TMCC1: variants seen among roughly 807,000 people sequenced by gnomAD.
TMCC1 encodes transmembrane and coiled-coil domains protein 1.
Under a neutral mutation model 52.4 loss-of-function variants are expected in TMCC1, and 15 were observed. The observed-to-expected ratio is 0.29, with a 90% CI of 0.19 to 0.44. The LOEUF is 0.44. TMCC1 is among the 20% of genes least tolerant of loss of function. The pLI, the probability that TMCC1 is intolerant of heterozygous loss-of-function variation, is 1.00. For missense variants in TMCC1, 503 were observed against 806.0 expected (o/e 0.62, Z 4.55); for synonymous variants, 279 against 301.9 (o/e 0.92, Z 0.79).
In TMCC1 at chr3:129,828,393, T is replaced by C; in HGVS notation, c.-15A>G. 1.3e-6 allele frequency: 2 copies of C among 1,599,664 alleles called. No homozygotes were observed. Among genetic ancestry groups the C allele is most frequent in the Non-Finnish European group, 1.7e-6 (2 of 1,172,880 alleles). On this transcript the variant is annotated 5_prime_UTR_variant, in exon 4 of 7. Coordinates refer to ENST00000393238, the MANE Select transcript of TMCC1 (RefSeq NM_001017395.5). The surrounding 1 kb of genome is among the most constrained non-coding windows in gnomAD (Gnocchi z 4.1). ...GAAGGCTCCATCAGTAGACTTAATA[T>C]GCTTATTTGCAAACTCAAAAAAATT...
chr3:129,709,010 T>G (rs2048446576), intron 4 of TMCC1, among the ~76,000 whole-genome samples: 1 of 152,228 alleles, frequency 6.6e-6, no homozygotes, highest in Admixed American at 6.5e-5. Context: ...TCTTAACCAC[T>G]GGTCTTTACT....
At chr3:129,822,303 G>A (rs936417561) in intron 4 of TMCC1, among the ~76,000 whole-genome samples, 2 of 152,106 alleles carry the variant, frequency 1.3e-5, no homozygotes, top group African/African-American at 4.8e-5. Context: ...AACCAGGCAT[G>A]GTGGCACATG....
intron 2 of TMCC1, among the ~76,000 whole-genome samples, chr3:129,861,695 G>A (rs2060405956): frequency 6.6e-6 from 1 of 152,150 alleles, no homozygotes; most frequent in Non-Finnish European, 1.5e-5. Context: ...CCACTAGGGT[G>A]GTTAAAATCA....
At chr3:129,851,098 G>C (rs2059897902) in intron 2 of TMCC1, among the ~76,000 whole-genome samples, 1 of 152,190 alleles carries the variant, frequency 6.6e-6, no homozygotes, top group South Asian at 2.1e-4. Context: ...CCAGATTTTG[G>C]GGGGCCTATT....
intron 4 of TMCC1, among the ~76,000 whole-genome samples, chr3:129,760,454 C>CTGTGTGTG (rs61394124): frequency 0.085 from 10,979 of 128,944 alleles, 976 homozygotes; most frequent in Middle Eastern, 0.11. Context: ...CAGTCTCGCT[C>CTGTGTGTG]TGTGTGTGTG....
intron 4 of TMCC1, among the ~76,000 whole-genome samples, chr3:129,782,819 A>G (rs10934893): frequency 0.87 from 131,814 of 152,148 alleles, 57,791 homozygotes; most frequent in East Asian, 1. Flanking sequence ...TTGGAGATAG[A>G]CACAGAAAAT....
chr3:129,891,991 TAA>T (rs1021188763), intron 1 of TMCC1, among the ~76,000 whole-genome samples: 10 of 152,248 alleles, frequency 6.6e-5, no homozygotes, highest in East Asian at 1.9e-4. Context: ...TTTGTGCTCA[TAA>T]AAGAGTCCTT....
At chr3:129,836,394 G>A (rs2059160543) in intron 2 of TMCC1, among the ~76,000 whole-genome samples, 1 of 151,954 alleles carries the variant, frequency 6.6e-6, no homozygotes, top group African/African-American at 2.4e-5. Context: ...TCCAATAATT[G>A]CAAAATATAC....
Position 129,670,379 on chromosome 3 carries a change from G to C in TMCC1, c.1462C>G (p.Gln488Glu). The change falls in exon 5 of 7, where the codon CAG (glutamine) becomes GAG (glutamate). Residue 488 changes from glutamine to glutamate, a missense_variant. Coordinates refer to ENST00000393238, the MANE Select transcript of TMCC1 (RefSeq NM_001017395.5). Reference sequence around the variant, plus strand: ...TGCATTATTAAGGAATAGTCCCTCTGATAATGTTCCTTGAGAGTCTCAAAG... The same window carrying C: ...TGCATTATTAAGGAATAGTCCCTCTCATAATGTTCCTTGAGAGTCTCAAAG... ...ESFETLKEHYQRDYSLIMQTL... is the reference protein window; with the variant it reads ...ESFETLKEHYERDYSLIMQTL... The C allele has an allele frequency of 6.2e-7, 1 of 1,614,186 alleles. No homozygotes were observed. The highest frequency in any genetic ancestry group is 8.5e-7 in the Non-Finnish European group (1 of 1,180,018).
chr3:129,820,679 G>C (rs1346603290), intron 4 of TMCC1, among the ~76,000 whole-genome samples: 4 of 152,106 alleles, frequency 2.6e-5, no homozygotes, highest in Non-Finnish European at 5.9e-5. Flanking sequence ...GTTAAAGAAA[G>C]GCTCAAAAGG....
At chr3:129,658,516 C>T (rs990580484) in intron 5 of TMCC1, among the ~76,000 whole-genome samples, 5 of 152,194 alleles carry the variant, frequency 3.3e-5, no homozygotes, top group Admixed American at 3.3e-4. Context: ...ATTCCCAGGA[C>T]TGGGGCCTGA....
chr3:129,668,014 T>C (rs532070549), intron 5 of TMCC1, among the ~76,000 whole-genome samples: 11 of 152,184 alleles, frequency 7.2e-5, no homozygotes, highest in African/African-American at 2.4e-4. Flanking sequence ...TAGTGAGACC[T>C]TGTCTCTACA....
chr3:129,654,028 C>A (rs530473985), intron 6 of TMCC1, among the ~76,000 whole-genome samples: 3 of 152,238 alleles, frequency 2.0e-5, no homozygotes, highest in Non-Finnish European at 4.4e-5. Context: ...ACACCTCCCC[C>A]CAACCCCCCC....
intron 4 of TMCC1, among the ~76,000 whole-genome samples, chr3:129,671,475 A>C (rs1231764507): frequency 2.6e-5 from 4 of 152,308 alleles, no homozygotes; most frequent in Admixed American, 1.3e-4. Flanking sequence ...ATGAAAAAAG[A>C]TCTGCACAAG....
intron 2 of TMCC1, chr3:129,868,922 T>C (rs902931314): frequency 8.5e-5 from 13 of 152,226 alleles, no homozygotes; most frequent in Admixed American, 2.6e-4. Flanking sequence ...TTATGTATAG[T>C]AGTGTGCTAT....
intron 4 of TMCC1, among the ~76,000 whole-genome samples, chr3:129,813,307 T>C (rs1299649469): frequency 2.0e-5 from 3 of 152,128 alleles, no homozygotes; most frequent in South Asian, 2.1e-4. Context: ...AATCCTATTA[T>C]GTATTTTCCC....
intron 2 of TMCC1, among the ~76,000 whole-genome samples, chr3:129,839,118 T>C (rs992797896): frequency 3.3e-5 from 5 of 152,182 alleles, no homozygotes; most frequent in Non-Finnish European, 7.3e-5. Flanking sequence ...AGTGAGAAGC[T>C]TGAATCTACA....
intron 4 of TMCC1, among the ~76,000 whole-genome samples, chr3:129,694,010 G>A (rs926137965): frequency 5.9e-5 from 9 of 152,108 alleles, no homozygotes; most frequent in Non-Finnish European, 1.2e-4. Context: ...GATATAGGGA[G>A]CCAATGCCTA....
chr3:129,667,742 T>G (rs2108879609), intron 5 of TMCC1, among the ~76,000 whole-genome samples: 1 of 152,332 alleles, frequency 6.6e-6, no homozygotes, highest in South Asian at 2.1e-4. Context: ...TGTCTCCGAC[T>G]TACACTAAAT....
Sources: allele counts gnomAD v4.1 joint callset (sites outside exome capture counted in the v4.1 genomes callset), GRCh38; gene constraint gnomAD v4.1.1; non-coding constraint Gnocchi (gnomAD v3.1); transcripts MANE v1.5; gene names NCBI Gene and HGNC (gene_info 2026-07-23, HGNC 2026-07-21).